Variants in WWOX observed in about 807,000 individuals in gnomAD.
The protein encoded by WWOX is WW domain containing oxidoreductase.
Under a neutral mutation model 46.2 loss-of-function variants are expected in WWOX, and 69 were observed. The observed-to-expected ratio is 1.49, with a 90% CI of 1.23 to 1.82. WWOX has a LOEUF of 1.82. Among genes scored for constraint, WWOX ranks in the 40% most tolerant of loss-of-function variants. The pLI is 0.00. For missense variants in WWOX, 919 were observed against 542.6 expected (o/e 1.69, Z -6.89); for synonymous variants, 359 against 202.6 (o/e 1.77, Z -6.56).
At chr16:78,548,199 C>T (rs1364595095) in intron 8 of WWOX, among the ~76,000 whole-genome samples, 1 of 145,670 alleles carries the variant, frequency 6.9e-6, no homozygotes, top group East Asian at 2.0e-4. Flanking sequence ...TGCGAGGACG[C>T]AAACATTTAA....
chr16:78,862,485 C>G lies in WWOX; in HGVS notation c.1057-349123C>G, dbSNP rs139234309. On this transcript the variant is annotated intron_variant, in intron 8 of 8. Transcript: ENST00000566780. ...AGATCTATAAACACACAAGTGCATA[C>G]ACACACACATTTTTCTGTATATATG... Among the ~76,000 whole-genome samples, 99 of 151,800 alleles carry G rather than the reference C, an allele frequency of 6.5e-4. 1 individual carries two copies. Among genetic ancestry groups the G allele is most frequent in the African/African-American group, 2.3e-3 (97 of 41,394 alleles).
intron 5 of WWOX, among the ~76,000 whole-genome samples, chr16:78,352,419 G>C (rs1393411077): frequency 6.6e-6 from 1 of 152,198 alleles, no homozygotes; most frequent in Non-Finnish European, 1.5e-5. Context: ...TTCTAGAAGA[G>C]AACCCACTTC....
intron 8 of WWOX, among the ~76,000 whole-genome samples, chr16:78,501,967 G>A (rs777849940): frequency 1.3e-5 from 2 of 152,132 alleles, no homozygotes; most frequent in Non-Finnish European, 2.9e-5. Context: ...CAGAGTTAAC[G>A]TAGAAGGTTT....
intron 8 of WWOX, among the ~76,000 whole-genome samples, chr16:78,753,572 G>C (rs1273038887): frequency 6.6e-6 from 1 of 151,748 alleles, no homozygotes; most frequent in African/African-American, 2.4e-5. Context: ...GGCCAAGGCA[G>C]GTAGTTTGCT....
intron 8 of WWOX, among the ~76,000 whole-genome samples, chr16:78,886,223 C>G (rs1388690008): frequency 3.8e-5 from 5 of 130,030 alleles, no homozygotes; most frequent in Admixed American, 3.2e-4. Context: ...CTGCGCCTGA[C>G]TGTACTTTTT....
chr16:78,388,937 C>G (rs1053084377), intron 6 of WWOX, among the ~76,000 whole-genome samples: 4 of 151,094 alleles, frequency 2.6e-5, no homozygotes, highest in South Asian at 2.1e-4. Context: ...CCAGTGCACT[C>G]CAGCCCGGGT....
At chr16:78,386,039 C>T (rs936572871) in intron 5 of WWOX, among the ~76,000 whole-genome samples, 1 of 152,200 alleles carries the variant, frequency 6.6e-6, no homozygotes, top group African/African-American at 2.4e-5. Flanking sequence ...ATCCCGACCT[C>T]TCCAGTTCTC....
intron 8 of WWOX, among the ~76,000 whole-genome samples, chr16:79,064,974 T>C (rs760893975): frequency 1.3e-5 from 2 of 152,178 alleles, no homozygotes; most frequent in Non-Finnish European, 2.9e-5. Context: ...TGGATGCCCC[T>C]GAGCACCTGT....
intron 8 of WWOX, among the ~76,000 whole-genome samples, chr16:78,599,467 G>A (rs1034998459): frequency 6.6e-6 from 1 of 152,196 alleles, no homozygotes; most frequent in African/African-American, 2.4e-5. Flanking sequence ...GTTCAATCAG[G>A]CAGCCCCTCT....
At chr16:79,087,871 T>G (rs2048882199) in intron 8 of WWOX, among the ~76,000 whole-genome samples, 1 of 152,140 alleles carries the variant, frequency 6.6e-6, no homozygotes, top group Non-Finnish European at 1.5e-5. Flanking sequence ...AGTTCAGGCC[T>G]CGGAAAGGAC....
intron 8 of WWOX, among the ~76,000 whole-genome samples, chr16:79,141,302 A>C (rs562779200): frequency 2.0e-5 from 3 of 152,140 alleles, no homozygotes; most frequent in Admixed American, 6.5e-5. Flanking sequence ...TTCATCTTGC[A>C]TATGTTGATT....
intron 8 of WWOX, among the ~76,000 whole-genome samples, chr16:79,157,545 C>A (rs563864417): frequency 1.2e-3 from 183 of 152,116 alleles, no homozygotes; most frequent in African/African-American, 4.3e-3. Context: ...TGTAGTGGAA[C>A]CTCAGTAATC....
Position 78,624,004 on chromosome 16 carries a change from C to G in WWOX, c.1056+191252C>G, listed in dbSNP as rs1028406857. Among the ~76,000 whole-genome samples, 7 of 152,074 alleles carry G rather than the reference C, an allele frequency of 4.6e-5. No individual in the cohort carries two copies. In the East Asian group the frequency reaches 1.2e-3, roughly 25 times the overall value. On this transcript the variant is annotated intron_variant, in intron 8 of 8. Transcript: ENST00000566780. ...AGGGGACTTCAAAGTCCAGGTTGCA[C>G]CATCCACTTTATAGATGAGGAAAGT...
chr16:78,582,252 C>A (rs959638434), intron 8 of WWOX, among the ~76,000 whole-genome samples: 1 of 152,142 alleles, frequency 6.6e-6, no homozygotes, highest in Admixed American at 6.5e-5. Context: ...AGGTAAAAAT[C>A]AAGTAAGATC....
chr16:78,769,334 CTT>C (rs2050005561), intron 8 of WWOX, among the ~76,000 whole-genome samples: 1 of 152,152 alleles, frequency 6.6e-6, no homozygotes, highest in African/African-American at 2.4e-5. Flanking sequence ...CATCCTTTCT[CTT>C]TTTCACAATG....
intron 5 of WWOX, among the ~76,000 whole-genome samples, chr16:78,234,430 C>G (rs139384438): frequency 6.6e-6 from 1 of 152,238 alleles, no homozygotes; most frequent in African/African-American, 2.4e-5. Context: ...GGGCCCCAGA[C>G]TTTCGCCATA....
chr16:79,123,182 G>A (rs569803341), intron 8 of WWOX, among the ~76,000 whole-genome samples: 1 of 152,074 alleles, frequency 6.6e-6, no homozygotes. Flanking sequence ...GACACCGCTG[G>A]TCTGTGCTCA....
intron 5 of WWOX, among the ~76,000 whole-genome samples, chr16:78,217,253 G>T (rs2036751884): frequency 6.6e-6 from 1 of 152,162 alleles, no homozygotes; most frequent in Non-Finnish European, 1.5e-5. Context: ...AACTTCTCCT[G>T]CCTGCCTTGC....
chr16:78,887,063 ATGTGTGTGTGTGTGGTG>A (rs1555559539), intron 8 of WWOX, among the ~76,000 whole-genome samples: 2 of 30,970 alleles, frequency 6.5e-5, no homozygotes, highest in Non-Finnish European at 2.4e-4. Context: ...GTCTGGCTAT[ATGTGTGTGTGTGTGGTG>A]TGTGTGTGTG....
Sources: allele counts gnomAD v4.1 joint callset (sites outside exome capture counted in the v4.1 genomes callset), GRCh38; gene constraint gnomAD v4.1.1; transcripts MANE v1.5; gene names NCBI Gene and HGNC (gene_info 2026-07-23, HGNC 2026-07-21).